GRM8: variants seen among roughly 807,000 people sequenced by gnomAD.
GRM8 encodes the protein metabotropic glutamate receptor 8.
A neutral mutation model predicts 87.2 loss-of-function variants in GRM8; 47 were observed. The observed-to-expected ratio is 0.54, with a 90% CI of 0.43 to 0.69. The LOEUF (loss-of-function observed/expected upper bound fraction) is 0.69. GRM8 is among the 30% of genes least tolerant of loss of function. GRM8 has a pLI of 0.00. For missense variants in GRM8, 1,019 were observed against 1,139.2 expected (o/e 0.89, Z 1.52); for synonymous variants, 396 against 404.5 (o/e 0.98, Z 0.25).
chr7:126,706,352 T>C (rs555184931), intron 7 of GRM8, among the ~76,000 whole-genome samples: 7 of 152,192 alleles, frequency 4.6e-5, no homozygotes, highest in Non-Finnish European at 7.4e-5. Context: ...GGAGTGCTAA[T>C]GGTCTAGTTC....
At position 126,735,736 on chromosome 7, in the gene GRM8, T is replaced by C. The variant is rs189268479; in HGVS notation, c.1357+34129A>G. Among the ~76,000 whole-genome samples the C allele has an allele frequency of 6.6e-5, 10 of 152,112 alleles. No homozygotes were observed. In the East Asian group the frequency reaches 1.9e-3, roughly 29 times the overall value. ...ACTAAAATCAAGAAAACACAAAGAC[T>C]CTTTTTTAGACGGCACCCACAATTC... On this transcript the variant is annotated intron_variant, in intron 7 of 10. Transcript: ENST00000339582.
intron 8 of GRM8, among the ~76,000 whole-genome samples, chr7:126,562,126 TA>T (rs1290824810): frequency 6.6e-6 from 1 of 152,114 alleles, no homozygotes; most frequent in Non-Finnish European, 1.5e-5. Flanking sequence ...AGGGTGAATA[TA>T]AAAAATTAGA....
intron 6 of GRM8, among the ~76,000 whole-genome samples, chr7:126,788,420 A>AACAAAAAAAAAAAAAAAAAAAAAAAAAAC (rs1554492201): frequency 2.5e-5 from 2 of 81,136 alleles, no homozygotes; most frequent in African/African-American, 9.2e-5. Context: ...AAAAAAAAAA[A>AACAAAAAAAAAAAAAAAAAAAAAAAAAAC]AAACCCTTTC....
intron 3 of GRM8, among the ~76,000 whole-genome samples, chr7:127,066,624 A>G (rs909452245): frequency 8.5e-5 from 13 of 152,168 alleles, no homozygotes; most frequent in African/African-American, 3.1e-4. Flanking sequence ...ATATTCATCA[A>G]CTCAAATACT....
intron 7 of GRM8, among the ~76,000 whole-genome samples, chr7:126,716,968 T>C (rs568588449): frequency 1.3e-5 from 2 of 152,170 alleles, no homozygotes; most frequent in East Asian, 1.9e-4. Flanking sequence ...TTAAAATCTT[T>C]TGAGGTGGAG....
chr7:126,639,393 G>T lies in GRM8; in HGVS notation c.1358-29895C>A, dbSNP rs192494272. ...ATTTCCAGCAGTGTGGGGTCCAAAG[G>T]CCCAAAGGGGGAGTTATTTGAGAGT... On this transcript the variant is annotated intron_variant, in intron 7 of 10. Transcript: ENST00000339582. Among the ~76,000 whole-genome samples, 653 of 152,238 alleles carry T rather than the reference G, an allele frequency of 4.3e-3. 1 individual carries two copies. Among genetic ancestry groups the T allele is most frequent in the Non-Finnish European group, 6.0e-3 (409 of 68,014 alleles).
At chr7:127,072,219 C>T (rs1056585388) in intron 3 of GRM8, among the ~76,000 whole-genome samples, 2 of 152,210 alleles carry the variant, frequency 1.3e-5, no homozygotes, top group African/African-American at 4.8e-5. Context: ...AGCAAGCATT[C>T]TCCCTTCATT....
At chr7:127,084,180 T>C (rs1302553300) in intron 3 of GRM8, 1 of 152,174 alleles carries the variant, frequency 6.6e-6, no homozygotes, top group Non-Finnish European at 1.5e-5. Context: ...TTTGATAAGA[T>C]ATTTTTGATC....
intron 2 of GRM8, among the ~76,000 whole-genome samples, chr7:127,242,407 G>T (rs953203744): frequency 6.6e-6 from 1 of 151,894 alleles, no homozygotes; most frequent in African/African-American, 2.4e-5. Context: ...CTAACAAAGA[G>T]GTTATCCCAA....
intron 3 of GRM8, chr7:127,095,891 A>G (rs917961310): frequency 1.3e-5 from 2 of 152,216 alleles, no homozygotes; most frequent in Admixed American, 1.3e-4. Flanking sequence ...TTGTCTCTGT[A>G]TCCTCAAAGC....
chr7:126,583,065 T>G, intron 8 of GRM8, among the ~76,000 whole-genome samples: 1 of 152,134 alleles, frequency 6.6e-6, no homozygotes, highest in East Asian at 1.9e-4. Context: ...ACTTAAGAAA[T>G]GCACTTCTTG....
intron 7 of GRM8, among the ~76,000 whole-genome samples, chr7:126,718,044 A>C (rs1175385311): frequency 6.6e-6 from 1 of 152,000 alleles, no homozygotes; most frequent in Non-Finnish European, 1.5e-5. Context: ...CACCCTGGCC[A>C]ACACGGTGAA....
intron 8 of GRM8, among the ~76,000 whole-genome samples, chr7:126,595,798 C>T (rs1797128146): frequency 1.3e-5 from 2 of 152,078 alleles, no homozygotes; most frequent in South Asian, 2.1e-4. Flanking sequence ...CTATTGTGAA[C>T]AGTGCTGCAG....
intron 2 of GRM8, among the ~76,000 whole-genome samples, chr7:127,162,668 G>A (rs895517107): frequency 5.9e-5 from 9 of 152,228 alleles, no homozygotes; most frequent in Non-Finnish European, 7.4e-5. Context: ...TTCCAACAGC[G>A]AACTCCAAAC....
At chr7:126,873,382 T>G (rs1314623076) in intron 6 of GRM8, among the ~76,000 whole-genome samples, 1 of 152,130 alleles carries the variant, frequency 6.6e-6, no homozygotes, top group Non-Finnish European at 1.5e-5. Context: ...AAAAAACGGT[T>G]GATGCTTATA....
rs67131936 is a variant in GRM8 at position 126,788,409 on chromosome 7, CA to C, written c.1157-18345del. ...TGGGTATCAGAGCAAGACTCCATCT[CA>C]AAAAAAAAAAAAACCCTTTCAGATA... On this transcript the variant is annotated intron_variant, in intron 6 of 10. Coordinates refer to ENST00000339582, the MANE Select transcript of GRM8 (RefSeq NM_000845.3). 5.6e-4 allele frequency among the ~76,000 whole-genome samples: 6 copies of C among 10,792 alleles called. 1 individual carries two copies. The East Asian group carries it at 0.011, about 21-fold the overall frequency. The allele number at this position is 10,792 out of a possible 152,430, so 7.1% of individuals were successfully genotyped here. A position where few individuals can be genotyped will look rare whatever the true frequency, so the allele number is the denominator to read the frequency against.
At chr7:127,006,625 C>G (rs1586732873) in intron 3 of GRM8, among the ~76,000 whole-genome samples, 1 of 152,008 alleles carries the variant, frequency 6.6e-6, no homozygotes, top group Non-Finnish European at 1.5e-5. Flanking sequence ...GCATTGTTGT[C>G]AAACACTAGC....
At chr7:126,821,703 C>T (rs543056943) in intron 6 of GRM8, among the ~76,000 whole-genome samples, 1 of 151,782 alleles carries the variant, frequency 6.6e-6, no homozygotes, top group South Asian at 2.1e-4. Context: ...AAAGAGTTCC[C>T]ATATTCCCCT....
At chr7:126,995,864 G>C (rs892254909) in intron 3 of GRM8, among the ~76,000 whole-genome samples, 1 of 151,786 alleles carries the variant, frequency 6.6e-6, no homozygotes, top group African/African-American at 2.4e-5. Flanking sequence ...AGTACAAGAA[G>C]GTTATAGAAC....
Sources: gnomAD v4.1 joint callset for allele counts (sites outside exome capture counted in the v4.1 genomes callset) on GRCh38, gnomAD v4.1.1 for gene constraint, MANE v1.5 for transcripts, NCBI Gene and HGNC (gene_info 2026-07-23, HGNC 2026-07-21) for gene names.